The following DENND1A variants were observed in gnomAD, a reference collection of about 807,000 sequenced individuals.
DENND1A encodes the protein DENN domain-containing protein 1A.
DENND1A carries 51 observed loss-of-function variants against 113.7 expected under a neutral mutation model. That is an observed-to-expected ratio of 0.45 (90% confidence interval 0.36 to 0.57). The LOEUF (loss-of-function observed/expected upper bound fraction) is 0.57, where lower values mean the gene tolerates loss of function less well. Among genes scored for constraint, DENND1A ranks in the 20% least tolerant of loss-of-function variants. The probability of loss-of-function intolerance (pLI) is 0.00; values close to 1 mark genes in which losing one functional copy is unlikely to be tolerated. For missense variants in DENND1A, 1,258 were observed against 1,395.9 expected (o/e 0.90, Z 1.57); for synonymous variants, 565 against 570.8 (o/e 0.99, Z 0.14).
chr9:123,705,246 A>T (rs1253964266), intron 5 of DENND1A, among the ~76,000 whole-genome samples: 1 of 152,208 alleles, frequency 6.6e-6, no homozygotes, highest in African/African-American at 2.4e-5. Flanking sequence ...GACTTATTGG[A>T]GAAATGCTAA....
intron 9 of DENND1A, among the ~76,000 whole-genome samples, chr9:123,646,906 G>A (rs537618211): frequency 6.6e-6 from 1 of 152,206 alleles, no homozygotes; most frequent in Admixed American, 6.5e-5. Context: ...TACAGGCCCA[G>A]GAAGCTGAGC....
At chr9:123,423,997 G>A (rs2045521995) in intron 19 of DENND1A, among the ~76,000 whole-genome samples, 1 of 152,192 alleles carries the variant, frequency 6.6e-6, no homozygotes, top group East Asian at 1.9e-4. Context: ...TGGAGGGAAG[G>A]AGCCATAACA....
At position 123,897,734 on chromosome 9, in the gene DENND1A, CAA is replaced by C. The variant is rs1415086230; in HGVS notation, c.18-18715_18-18714del. On this transcript the variant is annotated intron_variant, in intron 1 of 23. Coordinates refer to ENST00000394215, the MANE Select transcript of DENND1A (RefSeq NM_001352964.2). ...CTGTAAACTCAACACTTTGAGAGGC[CAA>C]GAGAGAGGATCGCTTGAGGCCAGGA... Among the ~76,000 whole-genome samples the C allele has an allele frequency of 5.9e-5, 9 of 152,126 alleles. No homozygotes were observed. The South Asian group carries it at 8.3e-4, about 14-fold the overall frequency.
intron 13 of DENND1A, among the ~76,000 whole-genome samples, chr9:123,497,476 T>G (rs1313420773): frequency 6.6e-6 from 1 of 152,136 alleles, no homozygotes; most frequent in African/African-American, 2.4e-5. Flanking sequence ...CAACACCATG[T>G]CCAGCTAAAT....
At chr9:123,870,460 C>T (rs1000308153) in intron 2 of DENND1A, among the ~76,000 whole-genome samples, 5 of 139,990 alleles carry the variant, frequency 3.6e-5, no homozygotes, top group Middle Eastern at 7.2e-3. Context: ...TTTTTTGAGA[C>T]GGAGTCTTGC....
chr9:123,441,033 T>C (rs2046895581), intron 18 of DENND1A, among the ~76,000 whole-genome samples: 1 of 152,200 alleles, frequency 6.6e-6, no homozygotes, highest in Non-Finnish European at 1.5e-5. Context: ...AAAATGCCAG[T>C]GATATATACT....
At chr9:123,706,147 T>TTTC (rs1426558604) in intron 5 of DENND1A, among the ~76,000 whole-genome samples, 2 of 117,064 alleles carry the variant, frequency 1.7e-5, no homozygotes, top group African/African-American at 7.6e-5. Context: ...TATTTTTTCT[T>TTTC]TTTTTTTTTT....
At chr9:123,834,453 G>C (rs558291780) in intron 2 of DENND1A, among the ~76,000 whole-genome samples, 2 of 152,346 alleles carry the variant, frequency 1.3e-5, no homozygotes, top group Admixed American at 6.5e-5. Flanking sequence ...GCAAGTAGCA[G>C]AGGGAGCTTT....
chr9:123,385,776 G>C (rs186531561), intron 22 of DENND1A, among the ~76,000 whole-genome samples: 1 of 152,174 alleles, frequency 6.6e-6, no homozygotes, highest in Non-Finnish European at 1.5e-5. Flanking sequence ...CACAGCACCC[G>C]CAAGAGGTGG....
chr9:123,702,250 T>C (rs997554461), intron 5 of DENND1A, among the ~76,000 whole-genome samples: 16 of 151,772 alleles, frequency 1.1e-4, no homozygotes, highest in Non-Finnish European at 1.6e-4. Flanking sequence ...TTTGAAAATA[T>C]ACAATCAGAG....
At chr9:123,585,606 C>G (rs1344278116) in intron 11 of DENND1A, among the ~76,000 whole-genome samples, 1 of 152,194 alleles carries the variant, frequency 6.6e-6, no homozygotes, top group East Asian at 1.9e-4. Flanking sequence ...AAATGCCCAG[C>G]AGTGTGCTAG....
intron 12 of DENND1A, among the ~76,000 whole-genome samples, chr9:123,564,700 G>C (rs909533656): frequency 4.6e-5 from 7 of 152,194 alleles, no homozygotes; most frequent in African/African-American, 1.7e-4. Flanking sequence ...AAATGTGGCT[G>C]GTGTGACTGA....
intron 13 of DENND1A, among the ~76,000 whole-genome samples, chr9:123,523,348 C>T (rs1384575423): frequency 4.6e-5 from 7 of 152,240 alleles, no homozygotes; most frequent in South Asian, 2.1e-4. Context: ...AAGAACCGTG[C>T]GAGGCGGTAA....
chr9:123,550,246 C>G (rs2056957599), intron 13 of DENND1A, among the ~76,000 whole-genome samples: 1 of 152,252 alleles, frequency 6.6e-6, no homozygotes. Flanking sequence ...CCAGAGTGAG[C>G]TGGCTGCTGC....
intron 1 of DENND1A, among the ~76,000 whole-genome samples, chr9:123,926,043 G>A (rs1322199873): frequency 6.6e-6 from 1 of 152,174 alleles, no homozygotes; most frequent in Non-Finnish European, 1.5e-5. Flanking sequence ...CAGTTAAATT[G>A]CTTCATATTA....
chr9:123,612,193 A>G (rs2060449178), intron 10 of DENND1A, among the ~76,000 whole-genome samples: 1 of 152,214 alleles, frequency 6.6e-6, no homozygotes, highest in Admixed American at 6.5e-5. Context: ...TTGCTCTGCA[A>G]ATATATAATT....
intron 1 of DENND1A, among the ~76,000 whole-genome samples, chr9:123,897,859 T>C (rs1851011869): frequency 6.6e-6 from 1 of 150,652 alleles, no homozygotes; most frequent in African/African-American, 2.4e-5. Context: ...TTAAGAGGAC[T>C]GCTTGAGCCC....
At chr9:123,409,620 G>A (rs1277568561) in intron 20 of DENND1A, among the ~76,000 whole-genome samples, 2 of 151,924 alleles carry the variant, frequency 1.3e-5, no homozygotes, top group African/African-American at 4.8e-5. Context: ...AAGTTACCAA[G>A]CATCAGTTTT....
In DENND1A at chr9:123,748,103, C is replaced by T. The variant is rs564029713; in HGVS notation, c.302+9600G>A. The stretch of plus-strand genomic sequence containing the variant: ...CTTTCACATTACTAAGAGCTTCTTT[C>T]CTTGTATTATAAATCAATCTCACAC... On this transcript the variant is annotated intron_variant, in intron 5 of 23. Transcript: ENST00000394215. Among the ~76,000 whole-genome samples the T allele has an allele frequency of 3.3e-5, 5 of 152,282 alleles. No homozygotes were observed. The South Asian group carries it at 8.3e-4, about 25-fold the overall frequency.
Sources: gnomAD v4.1 joint callset for allele counts (sites outside exome capture counted in the v4.1 genomes callset) on GRCh38, gnomAD v4.1.1 for gene constraint, MANE v1.5 for transcripts, NCBI Gene and HGNC (gene_info 2026-07-23, HGNC 2026-07-21) for gene names.